Variants in CDH13 observed in about 807,000 individuals in gnomAD.
CDH13 encodes the protein cadherin 13.
CDH13 carries 24 observed loss-of-function variants against 63.8 expected under a neutral mutation model. The observed-to-expected ratio is 0.38, with a 90% CI of 0.27 to 0.53. The LOEUF (loss-of-function observed/expected upper bound fraction) is 0.53, where lower values mean the gene tolerates loss of function less well. Ranked by LOEUF, CDH13 falls within the 20% of genes least tolerant of loss-of-function variation. CDH13 has a pLI of 0.85. For missense variants in CDH13, 1,049 were observed against 903.1 expected, an observed-to-expected ratio of 1.16 and a Z score of -2.07; for synonymous variants, 503 against 355.3, an observed-to-expected ratio of 1.42 and a Z score of -4.67.
At chr16:83,018,882 C>T (rs776287093) in intron 2 of CDH13, among the ~76,000 whole-genome samples, 6 of 152,104 alleles carry the variant, frequency 3.9e-5, no homozygotes, top group Admixed American at 6.5e-5. Context: ...AAAATATAGT[C>T]TAAAAGGTAA....
At chr16:82,776,548 A>C (rs868378843) in intron 1 of CDH13, among the ~76,000 whole-genome samples, 6 of 152,366 alleles carry the variant, frequency 3.9e-5, no homozygotes, top group Middle Eastern at 3.4e-3. Context: ...ACAACCTGCA[A>C]ATATGAACCT....
At chr16:82,893,713 A>C (rs1413877046) in intron 2 of CDH13, among the ~76,000 whole-genome samples, 1 of 152,160 alleles carries the variant, frequency 6.6e-6, no homozygotes, top group Non-Finnish European at 1.5e-5. Context: ...GCTGACTTTT[A>C]ATCATTGGGC....
chr16:82,953,779 A>G (rs1485567178), intron 2 of CDH13: 1 of 152,236 alleles, frequency 6.6e-6, no homozygotes, highest in Non-Finnish European at 1.5e-5. Flanking sequence ...GAAAGCCAAG[A>G]CAGGCTTCCA....
chr16:83,711,709 A>G (rs188006393), intron 10 of CDH13, among the ~76,000 whole-genome samples: 1 of 151,898 alleles, frequency 6.6e-6, no homozygotes, highest in East Asian at 1.9e-4. Context: ...TAGAGACGGG[A>G]TTTCACCATG....
At chr16:82,897,321 G>T (rs1248030248) in intron 2 of CDH13, among the ~76,000 whole-genome samples, 4 of 152,108 alleles carry the variant, frequency 2.6e-5, no homozygotes, top group Non-Finnish European at 4.4e-5. Flanking sequence ...AGAGATCTGT[G>T]AGGTGCATTT....
At chr16:83,127,586 C>A (rs1011177449) in intron 4 of CDH13, among the ~76,000 whole-genome samples, 5 of 151,948 alleles carry the variant, frequency 3.3e-5, no homozygotes, top group Non-Finnish European at 7.4e-5. Flanking sequence ...AAAAATTAGC[C>A]AGTGTCATGG....
chr16:82,683,869 G>A (rs1567624009), intron 1 of CDH13, among the ~76,000 whole-genome samples: 1 of 152,166 alleles, frequency 6.6e-6, no homozygotes, highest in Admixed American at 6.5e-5. Context: ...TTAAGGTACC[G>A]ATGGTTTTGT....
chr16:83,011,228 C>G (rs1483708378), intron 2 of CDH13, among the ~76,000 whole-genome samples: 1 of 152,148 alleles, frequency 6.6e-6, no homozygotes, highest in African/African-American at 2.4e-5. Flanking sequence ...ACTGTAGGCT[C>G]AGTTTCTCCC....
At chr16:82,994,713 G>A (rs1053748171) in intron 2 of CDH13, among the ~76,000 whole-genome samples, 3 of 152,144 alleles carry the variant, frequency 2.0e-5, no homozygotes, top group Admixed American at 6.5e-5. Flanking sequence ...TGATACCTAC[G>A]TTGATAGTAT....
At chr16:83,738,732 C>G (rs1316992368) in intron 10 of CDH13, among the ~76,000 whole-genome samples, 1 of 152,104 alleles carries the variant, frequency 6.6e-6, no homozygotes, top group Non-Finnish European at 1.5e-5. Context: ...ATAGTGAAAC[C>G]CCATCACTAC....
At chr16:83,463,669 G>A (rs1448560149) in intron 6 of CDH13, among the ~76,000 whole-genome samples, 1 of 152,150 alleles carries the variant, frequency 6.6e-6, no homozygotes, top group African/African-American at 2.4e-5. Flanking sequence ...CGGGCATGGT[G>A]GTGCACACCT....
intron 2 of CDH13, among the ~76,000 whole-genome samples, chr16:82,891,477 C>G (rs564433547): frequency 6.6e-6 from 1 of 152,302 alleles, no homozygotes; most frequent in South Asian, 2.1e-4. Context: ...GTTGAAAATA[C>G]TGAATTTCAC....
chr16:83,241,594 A>G (rs1294590612), intron 5 of CDH13, among the ~76,000 whole-genome samples: 1 of 152,142 alleles, frequency 6.6e-6, no homozygotes, highest in Non-Finnish European at 1.5e-5. Context: ...GATGTTCAGC[A>G]TTTTTTCATA....
At chr16:83,662,556 A>G (rs1289708437) in intron 8 of CDH13, among the ~76,000 whole-genome samples, 1 of 152,192 alleles carries the variant, frequency 6.6e-6, no homozygotes, top group Non-Finnish European at 1.5e-5. Context: ...GGCTGCGGAG[A>G]TGAACCACCA....
intron 5 of CDH13, among the ~76,000 whole-genome samples, chr16:83,297,537 T>C (rs944461327): frequency 6.6e-6 from 1 of 152,118 alleles, no homozygotes; most frequent in Non-Finnish European, 1.5e-5. Flanking sequence ...GCACTCTTGT[T>C]TCTCACTGAA....
intron 3 of CDH13, among the ~76,000 whole-genome samples, chr16:83,054,036 T>C (rs1272792257): frequency 6.6e-6 from 1 of 152,222 alleles, no homozygotes; most frequent in Admixed American, 6.5e-5. Context: ...ACCATTGTGT[T>C]ACAACTGCAT....
At chr16:82,697,218 A>G (rs912949318) in intron 1 of CDH13, among the ~76,000 whole-genome samples, 2 of 152,158 alleles carry the variant, frequency 1.3e-5, no homozygotes, top group African/African-American at 2.4e-5. Flanking sequence ...CAAAACCACC[A>G]CACTATGTCA....
intron 1 of CDH13, among the ~76,000 whole-genome samples, chr16:82,642,091 C>CAAA (rs373359175): frequency 1.2e-4 from 13 of 110,414 alleles, no homozygotes; most frequent in African/African-American, 1.4e-4. Flanking sequence ...TCATGGAGGG[C>CAAA]AAAAAAAAAA....
intron 5 of CDH13, among the ~76,000 whole-genome samples, chr16:83,312,736 CATAAA>C (rs2090027397): frequency 6.6e-6 from 1 of 152,206 alleles, no homozygotes; most frequent in African/African-American, 2.4e-5. Flanking sequence ...CATGTAATTA[CATAAA>C]ATAAAACCAC....
Sources: gnomAD v4.1 joint callset for allele counts (sites outside exome capture counted in the v4.1 genomes callset) on GRCh38, gnomAD v4.1.1 for gene constraint, MANE v1.5 for transcripts, NCBI Gene and HGNC (gene_info 2026-07-23, HGNC 2026-07-21) for gene names.